The following CDK14 variants were observed in gnomAD, a reference collection of about 807,000 sequenced individuals.
CDK14 encodes cyclin-dependent kinase 14.
Under a neutral mutation model 60.7 loss-of-function variants are expected in CDK14, and 34 were observed. The observed-to-expected ratio is 0.56, with a 90% CI of 0.43 to 0.75. The LOEUF (loss-of-function observed/expected upper bound fraction) is 0.75. Among genes scored for constraint, CDK14 ranks in the 30% least tolerant of loss-of-function variants. CDK14 has a pLI of 0.00. For synonymous variants in CDK14, 197 were observed against 203.7 expected (o/e 0.97, Z 0.28); for missense variants, 482 against 564.1 (o/e 0.85, Z 1.47).
intron 8 of CDK14, among the ~76,000 whole-genome samples, chr7:90,927,930 C>G (rs1381957542): frequency 6.6e-6 from 1 of 152,076 alleles, no homozygotes; most frequent in Non-Finnish European, 1.5e-5. Context: ...TCTTTTTTCT[C>G]TAAACTTCTC....
chr7:90,758,436 A>G (rs1390011281), intron 4 of CDK14, among the ~76,000 whole-genome samples: 1 of 152,224 alleles, frequency 6.6e-6, no homozygotes, highest in Admixed American at 6.5e-5. Flanking sequence ...TATGCATCGT[A>G]TAATACTTTG....
intron 2 of CDK14, among the ~76,000 whole-genome samples, chr7:90,650,040 T>C (rs1198006875): frequency 4.6e-5 from 7 of 152,206 alleles, no homozygotes; most frequent in Admixed American, 4.6e-4. Context: ...CCACACTGTC[T>C]TCCACAATGG....
At chr7:91,053,427 C>A (rs186840278) in intron 11 of CDK14, among the ~76,000 whole-genome samples, 1 of 152,116 alleles carries the variant, frequency 6.6e-6, no homozygotes, top group Non-Finnish European at 1.5e-5. Context: ...GCCCACAGAC[C>A]TAGACCTACG....
Position 91,178,296 on chromosome 7 carries a change from A to G in CDK14, c.*29-28869A>G, listed in dbSNP as rs1199321813. ...AAACTGGATCCCTTCCTTACACCTT[A>G]TACAAAAATGAATTCAAGATGGATT... On this transcript the variant is annotated intron_variant, in intron 14 of 14. Coordinates refer to ENST00000380050, the MANE Select transcript of CDK14 (RefSeq NM_001287135.2). Among the ~76,000 whole-genome samples the G allele has an allele frequency of 3.2e-5, 4 of 125,064 alleles. No individual in the cohort carries two copies. In the South Asian group the frequency reaches 1.1e-3, roughly 35 times the overall value. The allele number at this position is 125,064 out of a possible 152,430, so 82.0% of individuals were successfully genotyped here. A position where few individuals can be genotyped will look rare whatever the true frequency, so the allele number is the denominator to read the frequency against.
At chr7:90,698,067 C>CAAAAAAAAAAAAAAAAAAAA (rs71104484) in intron 2 of CDK14, among the ~76,000 whole-genome samples, 9 of 75,730 alleles carry the variant, frequency 1.2e-4, no homozygotes, top group Non-Finnish European at 1.8e-4. Flanking sequence ...GACTCTGTCT[C>CAAAAAAAAAAAAAAAAAAAA]AAAAAAAAAA....
chr7:90,696,032 A>T (rs575230880), intron 2 of CDK14, among the ~76,000 whole-genome samples: 164 of 152,316 alleles, frequency 1.1e-3, no homozygotes, highest in African/African-American at 3.7e-3. Context: ...CAGAAAGACC[A>T]GTTAGGAGGC....
intron 5 of CDK14, among the ~76,000 whole-genome samples, chr7:90,821,283 C>G (rs1789538566): frequency 6.6e-6 from 1 of 152,120 alleles, no homozygotes; most frequent in Non-Finnish European, 1.5e-5. Flanking sequence ...GAGAGTTGAC[C>G]CACATGAAGT....
intron 12 of CDK14, among the ~76,000 whole-genome samples, chr7:91,111,438 G>A (rs1427195161): frequency 6.6e-6 from 1 of 152,210 alleles, no homozygotes; most frequent in East Asian, 1.9e-4. Context: ...GCCTCTGAGA[G>A]TCACTGTATA....
chr7:90,853,538 A>T (rs990842866), intron 5 of CDK14, among the ~76,000 whole-genome samples: 1 of 152,010 alleles, frequency 6.6e-6, no homozygotes, highest in Non-Finnish European at 1.5e-5. Context: ...ACACACACAC[A>T]CTCACACACA....
rs751380337 is a variant in CDK14 at position 90,888,714 on chromosome 7, G to T, written c.640-10577G>T. Among the ~76,000 whole-genome samples the T allele has an allele frequency of 1.6e-4, 24 of 152,160 alleles. No individual in the cohort carries two copies. The Middle Eastern group carries it at 0.014, about 86-fold the overall frequency. ...TTTTTCTTTCTTTCTACCCTGACTTGGACTCCAGAATATTTTGTGTGGCCC... is the reference window on the plus strand; with the variant it reads ...TTTTTCTTTCTTTCTACCCTGACTTTGACTCCAGAATATTTTGTGTGGCCC... On this transcript the variant is annotated intron_variant, in intron 6 of 14. Coordinates refer to ENST00000380050, the MANE Select transcript of CDK14 (RefSeq NM_001287135.2).
intron 2 of CDK14, among the ~76,000 whole-genome samples, chr7:90,705,019 T>C (rs1248728993): frequency 6.6e-6 from 1 of 152,090 alleles, no homozygotes; most frequent in Non-Finnish European, 1.5e-5. Context: ...AATAGATTAC[T>C]AATATATTAC....
chr7:90,923,109 T>TC lies in CDK14; in HGVS notation c.826+5385_826+5386insC, dbSNP rs1379010877. ...AATAATTTCACTGCCCTAAACATCT[T>TC]TTTTTTTTTTTTTTTTTGAGATGGA... On this transcript the variant is annotated intron_variant, in intron 8 of 14. Coordinates refer to ENST00000380050, the MANE Select transcript of CDK14 (RefSeq NM_001287135.2). Among the ~76,000 whole-genome samples, 4 of 144,436 alleles carry TC rather than the reference T, an allele frequency of 2.8e-5. No individual in the cohort carries two copies. The East Asian group carries it at 5.9e-4, about 21-fold the overall frequency. The allele number at this position is 144,436 out of a possible 152,430, so 94.8% of individuals were successfully genotyped here.
intron 10 of CDK14, among the ~76,000 whole-genome samples, chr7:91,009,859 C>A (rs370146680): frequency 3.3e-5 from 5 of 152,240 alleles, no homozygotes; most frequent in African/African-American, 1.2e-4. Flanking sequence ...TGATCTACCC[C>A]ATGGTCACAA....
At chr7:90,748,505 T>A (rs1284480182) in intron 4 of CDK14, among the ~76,000 whole-genome samples, 2 of 152,244 alleles carry the variant, frequency 1.3e-5, no homozygotes, top group Non-Finnish European at 2.9e-5. Context: ...TTGTTTTACC[T>A]TTATAACTTT....
intron 2 of CDK14, among the ~76,000 whole-genome samples, chr7:90,626,310 T>G (rs565613905): frequency 1.3e-4 from 20 of 152,292 alleles, no homozygotes; most frequent in African/African-American, 4.3e-4. Context: ...CTATTTTTAT[T>G]AAATACTTGA....
intron 2 of CDK14, among the ~76,000 whole-genome samples, chr7:90,702,773 A>G (rs1801815095): frequency 6.6e-6 from 1 of 152,152 alleles, no homozygotes; most frequent in Non-Finnish European, 1.5e-5. Flanking sequence ...TTATTTGAGT[A>G]TTTTCAAGTA....
At chr7:90,790,153 T>A (rs185504315) in intron 4 of CDK14, among the ~76,000 whole-genome samples, 346 of 151,064 alleles carry the variant, frequency 2.3e-3, no homozygotes, top group Non-Finnish European at 3.7e-3. Flanking sequence ...TCCTTGGGAA[T>A]TGAATGACCT....
At chr7:90,665,560 A>T (rs1252885644) in intron 2 of CDK14, among the ~76,000 whole-genome samples, 1 of 152,224 alleles carries the variant, frequency 6.6e-6, no homozygotes, top group Non-Finnish European at 1.5e-5. Context: ...TTGAAAGTGC[A>T]ATAGGAGAAA....
At chr7:91,086,585 T>C (rs753553094) in intron 12 of CDK14, among the ~76,000 whole-genome samples, 2 of 152,102 alleles carry the variant, frequency 1.3e-5, no homozygotes, top group Non-Finnish European at 2.9e-5. Flanking sequence ...GAGATGCTAT[T>C]GAGAGGGGCT....
Sources: allele counts gnomAD v4.1 joint callset (sites outside exome capture counted in the v4.1 genomes callset), GRCh38; gene constraint gnomAD v4.1.1; transcripts MANE v1.5; gene names NCBI Gene and HGNC (gene_info 2026-07-23, HGNC 2026-07-21).